TASP1: variants seen among roughly 807,000 people sequenced by gnomAD.
TASP1 encodes the protein taspase 1.
Under a neutral mutation model 56.6 loss-of-function variants are expected in TASP1, and 16 were observed. The ratio of observed to expected loss-of-function variants is 0.28; its 90% CI spans 0.19 to 0.43. TASP1 has a LOEUF of 0.43. Ranked by LOEUF, TASP1 falls within the 20% of genes least tolerant of loss-of-function variation. The probability of loss-of-function intolerance (pLI) is 1.00; values close to 1 mark genes in which losing one functional copy is unlikely to be tolerated. For synonymous variants in TASP1, 179 were observed against 184.2 expected (o/e 0.97, Z 0.23); for missense variants, 393 against 511.6 (o/e 0.77, Z 2.24).
chr20:13,173,424 C>G, the TASP1 span, among the ~76,000 whole-genome samples: 1 of 152,166 alleles, frequency 6.6e-6, no homozygotes, highest in Non-Finnish European at 1.5e-5. Flanking sequence ...TGCGTCATGT[C>G]TCATTCTTAT....
chr20:13,381,817 T>G, the TASP1 span, among the ~76,000 whole-genome samples: 2 of 152,210 alleles, frequency 1.3e-5, no homozygotes, highest in South Asian at 4.1e-4. Context: ...GTCTTCTTTG[T>G]TTGCCCATCC....
chr20:13,298,234 T>C, the TASP1 span, among the ~76,000 whole-genome samples: 2 of 152,248 alleles, frequency 1.3e-5, no homozygotes, highest in South Asian at 4.1e-4. Flanking sequence ...GCCTCCTGAG[T>C]AGCTGGGATT....
At chr20:13,286,798 A>G in the TASP1 span, among the ~76,000 whole-genome samples, 1 of 152,194 alleles carries the variant, frequency 6.6e-6, no homozygotes, top group East Asian at 1.9e-4. Context: ...AGGTAGAAAC[A>G]TGTGTGGACT....
intron 4 of TASP1, among the ~76,000 whole-genome samples, chr20:13,601,064 T>G (rs1188784945): frequency 6.6e-6 from 1 of 152,124 alleles, no homozygotes; most frequent in East Asian, 1.9e-4. Context: ...TCACTTGAGC[T>G]CAGGAGTTCG....
chr20:13,428,972 C>A (rs933022046), intron 12 of TASP1, among the ~76,000 whole-genome samples: 1 of 152,154 alleles, frequency 6.6e-6, no homozygotes, highest in Non-Finnish European at 1.5e-5. Context: ...ATGGCTTCTG[C>A]CCTCAAATAG....
the TASP1 span, chr20:13,126,653 A>T: frequency 6.2e-7 from 1 of 1,614,090 alleles, no homozygotes. Flanking sequence ...CCATGAGCCC[A>T]CCGATAGCAG....
chr20:13,515,718 A>G (rs755185232), intron 10 of TASP1, among the ~76,000 whole-genome samples: 1 of 152,118 alleles, frequency 6.6e-6, no homozygotes, highest in South Asian at 2.1e-4. Context: ...CATGTCAAAC[A>G]TCTGAAAGCA....
chr20:13,510,151 A>C lies in TASP1; in HGVS notation c.874+18282T>G, dbSNP rs185316373. 4.6e-5 allele frequency among the ~76,000 whole-genome samples: 7 copies of C among 152,342 alleles called. No individual in the cohort carries two copies. In the East Asian group the frequency reaches 9.6e-4, roughly 21 times the overall value. ...CTTCCTTCTTTTCTAGACTTAAAAA[A>C]AAAACAGTAGAATGAGGCTAAATGA... On this transcript the variant is annotated intron_variant, in intron 10 of 13. Coordinates refer to ENST00000337743, the MANE Select transcript of TASP1 (RefSeq NM_017714.3).
the TASP1 span, among the ~76,000 whole-genome samples, chr20:13,340,734 C>T: frequency 6.6e-6 from 1 of 152,096 alleles, no homozygotes; most frequent in Non-Finnish European, 1.5e-5. Context: ...AAGTCTTTTG[C>T]TTTTGCAGAA....
intron 11 of TASP1, among the ~76,000 whole-genome samples, chr20:13,444,850 CT>C (rs2043346151): frequency 6.6e-6 from 1 of 152,172 alleles, no homozygotes; most frequent in African/African-American, 2.4e-5. Context: ...CATTAAACCA[CT>C]GGTCCAGGTC....
chr20:13,298,208 C>T, the TASP1 span, among the ~76,000 whole-genome samples: 7 of 152,136 alleles, frequency 4.6e-5, no homozygotes, highest in Non-Finnish European at 8.8e-5. Flanking sequence ...CAGGTTCAAG[C>T]GATTCTCCTG....
At chr20:13,193,666 C>T in the TASP1 span, among the ~76,000 whole-genome samples, 1 of 152,272 alleles carries the variant, frequency 6.6e-6, no homozygotes, top group Non-Finnish European at 1.5e-5. Context: ...GGCAGTTTCT[C>T]GTATGGGTTC....
intron 8 of TASP1, among the ~76,000 whole-genome samples, chr20:13,557,373 C>T (rs142407783): frequency 2.7e-4 from 41 of 152,022 alleles, no homozygotes; most frequent in African/African-American, 9.4e-4. Context: ...ATTTATATAA[C>T]GTTCAGAGCA....
chr20:13,520,054 C>G (rs1436952007), intron 10 of TASP1, among the ~76,000 whole-genome samples: 3 of 152,124 alleles, frequency 2.0e-5, no homozygotes, highest in Admixed American at 1.3e-4. Context: ...AGCTAGGAAT[C>G]CAACTTACAA....
chr20:13,342,962 A>C, the TASP1 span, among the ~76,000 whole-genome samples: 8 of 152,320 alleles, frequency 5.3e-5, no homozygotes, highest in East Asian at 1.5e-3. Context: ...GGAATGTCCC[A>C]AAAAGAGCAA....
the TASP1 span, chr20:13,221,799 TGCTGCTGCTGCTGGG>T: frequency 1.4e-6 from 2 of 1,390,242 alleles, no homozygotes; most frequent in Admixed American, 2.7e-5. Context: ...GCGGCCGAGC[TGCTGCTGCTGCTGGG>T]GCTGCTGCTG....
chr20:13,113,444 G>A, the TASP1 span, among the ~76,000 whole-genome samples: 1 of 152,068 alleles, frequency 6.6e-6, no homozygotes, highest in African/African-American at 2.4e-5. Context: ...AACCCCCAAA[G>A]AGAGCAGTCA....
At chr20:13,415,746 C>T (rs1161909302) in intron 13 of TASP1, among the ~76,000 whole-genome samples, 1 of 152,134 alleles carries the variant, frequency 6.6e-6, no homozygotes, top group Non-Finnish European at 1.5e-5. Flanking sequence ...CTTTCACGGG[C>T]CACCAGCAAG....
Position 13,548,508 on chromosome 20 carries a change from T to TA in TASP1, c.675+10499dup, listed in dbSNP as rs368345152. On this transcript the variant is annotated intron_variant, in intron 8 of 13. Coordinates refer to ENST00000337743, the MANE Select transcript of TASP1 (RefSeq NM_017714.3). ...AAATAAACCTTCATTAAATAGCTGCTAATGTGTCAGGTCCTCTGCTGGGCA... is the reference window on the plus strand; with the variant it reads ...AAATAAACCTTCATTAAATAGCTGCTAAATGTGTCAGGTCCTCTGCTGGGCA... Among the ~76,000 whole-genome samples the TA allele has an allele frequency of 2.2e-3, 328 of 152,270 alleles. 5 individuals carry two copies. The highest frequency in any genetic ancestry group is 2.1e-3 in the Non-Finnish European group (140 of 68,026).
Sources: gnomAD v4.1 joint callset for allele counts (sites outside exome capture counted in the v4.1 genomes callset) on GRCh38, gnomAD v4.1.1 for gene constraint, MANE v1.5 for transcripts, NCBI Gene and HGNC (gene_info 2026-07-23, HGNC 2026-07-21) for gene names.